The following MINDY4 variants were observed in gnomAD, a reference collection of about 807,000 sequenced individuals.
The protein encoded by MINDY4 is probable ubiquitin carboxyl-terminal hydrolase MINDY-4.
MINDY4 carries 68 observed loss-of-function variants against 87.0 expected under a neutral mutation model. The ratio of observed to expected loss-of-function variants is 0.78; its 90% CI spans 0.64 to 0.96. The LOEUF (loss-of-function observed/expected upper bound fraction) is 0.96, where lower values mean the gene tolerates loss of function less well. Ranked by LOEUF, MINDY4 falls within the 40% of genes least tolerant of loss-of-function variation. The probability of loss-of-function intolerance (pLI) is 0.00; values close to 1 mark genes in which losing one functional copy is unlikely to be tolerated. For synonymous variants in MINDY4, 379 were observed against 363.2 expected, an observed-to-expected ratio of 1.04 and a Z score of -0.50; for missense variants, 919 against 928.2, an observed-to-expected ratio of 0.99 and a Z score of 0.13.
chr7:30,778,302 A>T (rs573900224), intron 1 of MINDY4, 130 bp from the exon 2 acceptor site: 51 of 1,166,574 alleles, frequency 4.4e-5, no homozygotes, highest in Non-Finnish European at 5.9e-5. Flanking sequence ...ATTATTGCAA[A>T]GGTGATGTCA....
intron 7 of MINDY4, among the ~76,000 whole-genome samples, chr7:30,838,083 C>T (rs897678352): frequency 1.3e-5 from 2 of 152,132 alleles, no homozygotes; most frequent in African/African-American, 2.4e-5. Flanking sequence ...TCTTGGGGCT[C>T]ACTCAAGGCT....
At chr7:30,849,191 C>T (rs917321997) in intron 9 of MINDY4, among the ~76,000 whole-genome samples, 13 of 152,150 alleles carry the variant, frequency 8.5e-5, no homozygotes, top group Non-Finnish European at 1.6e-4. Flanking sequence ...TTTCTCCTGT[C>T]CTGGAAAAGA....
rs761212892 is a variant in MINDY4 at position 30,791,327 on chromosome 7, A to G, written c.826A>G (p.Ser276Gly). 6.2e-7 allele frequency: 1 copy of G among 1,614,152 alleles called. No homozygotes were observed. The highest frequency in any genetic ancestry group is 8.5e-7 in the Non-Finnish European group (1 of 1,180,018). ...CTCCAGGACCTCCCTGGGTCAGCTTAGTGAACTGACCGTAGAAAGGCAGAA... is the reference window on the plus strand; with the variant it reads ...CTCCAGGACCTCCCTGGGTCAGCTTGGTGAACTGACCGTAGAAAGGCAGAA... ...SPSRTSLGQLSELTVERQKTT... is the reference protein window; with the variant it reads ...SPSRTSLGQLGELTVERQKTT... Residue 276 changes from serine to glycine, a missense_variant, in exon 5 of 18, where the codon AGT (serine) becomes GGT (glycine). By Grantham distance (56) the Ser-to-Gly change is moderately conservative. Transcript: ENST00000265299.
rs1788868568 is a variant in MINDY4, at chr7:30,836,709, C to T, written c.1184C>T (p.Pro395Leu). 1 of 1,614,162 alleles carries T rather than the reference C, an allele frequency of 6.2e-7. No individual in the cohort carries two copies. Among genetic ancestry groups the T allele is most frequent in the African/African-American group, 1.3e-5 (1 of 75,044 alleles). The part of the protein sequence containing the change: ...IREEVILSPV[P>L]SVLKLQTASK... The stretch of plus-strand genomic sequence containing the variant: ...GAAGAGGTCATCCTGTCGCCAGTCC[C>T]ATCAGTGCTCAAGTTGCAGACAGCA... The change falls in exon 7 of 18, where the codon CCA (proline) becomes CTA (leucine). Residue 395 changes from proline (P) to leucine (L), a missense_variant. Coordinates refer to ENST00000265299, the MANE Select transcript of MINDY4 (RefSeq NM_032222.3).
At chr7:30,886,219 G>A (rs746356749) in intron 17 of MINDY4, among the ~76,000 whole-genome samples, 3 of 152,164 alleles carry the variant, frequency 2.0e-5, no homozygotes, top group Non-Finnish European at 4.4e-5. Context: ...AGGCCAGTCT[G>A]GTGGGCAGGT....
At chr7:30,773,351 C>T (rs1299443519) in intron 1 of MINDY4, among the ~76,000 whole-genome samples, 1 of 152,276 alleles carries the variant, frequency 6.6e-6, no homozygotes, top group East Asian at 1.9e-4. Flanking sequence ...GACCAGGAGG[C>T]CAAGAAACTT....
At chr7:30,823,627 A>G (rs1788406899) in intron 5 of MINDY4, among the ~76,000 whole-genome samples, 1 of 152,002 alleles carries the variant, frequency 6.6e-6, no homozygotes, top group Non-Finnish European at 1.5e-5. Flanking sequence ...CTCTTTTCTT[A>G]TGATTTCCAT....
intron 6 of MINDY4, among the ~76,000 whole-genome samples, chr7:30,829,312 CT>C (rs1487947811): frequency 2.6e-5 from 4 of 152,160 alleles, no homozygotes; most frequent in Admixed American, 1.3e-4. Flanking sequence ...CTGTAATTCC[CT>C]ACTCTCCAAA....
chr7:30,824,597 T>C (rs1408883617), intron 5 of MINDY4, among the ~76,000 whole-genome samples: 3 of 152,154 alleles, frequency 2.0e-5, no homozygotes, highest in Admixed American at 6.5e-5. Context: ...TTTTTTGCTA[T>C]TTATTTTTAT....
At chr7:30,789,931 G>A (rs1241224839) in intron 4 of MINDY4, among the ~76,000 whole-genome samples, 1 of 152,176 alleles carries the variant, frequency 6.6e-6, no homozygotes, top group Non-Finnish European at 1.5e-5. Flanking sequence ...CAAAAACTAA[G>A]CAAATCTTGA....
intron 6 of MINDY4, among the ~76,000 whole-genome samples, chr7:30,829,243 TATAGAGCAC>T (rs1413935635): frequency 6.6e-6 from 1 of 152,228 alleles, no homozygotes; most frequent in African/African-American, 2.4e-5. Context: ...CTAAGATCAA[TATAGAGCAC>T]ATTTCCTTCC....
At chr7:30,850,592 C>A (rs745563872) in intron 10 of MINDY4, 37 bp downstream of exon 10, 5 of 1,550,832 alleles carry the variant, frequency 3.2e-6, no homozygotes, top group African/African-American at 2.7e-5. Flanking sequence ...CGTGGCTCAT[C>A]GTCTGCTGGC....
At chr7:30,862,683 C>T (rs1006931630) in intron 13 of MINDY4, among the ~76,000 whole-genome samples, 12 of 152,186 alleles carry the variant, frequency 7.9e-5, no homozygotes, top group African/African-American at 2.4e-4. Flanking sequence ...TAGGTTTGTC[C>T]AGGGAAGCCC....
chr7:30,843,295 G>A (rs1490870414), intron 9 of MINDY4, among the ~76,000 whole-genome samples: 1 of 152,220 alleles, frequency 6.6e-6, no homozygotes, highest in Non-Finnish European at 1.5e-5. Flanking sequence ...GGAGTCACTG[G>A]GGGTGGTTAG....
chr7:30,772,729 T>A (rs1268071440), intron 1 of MINDY4, among the ~76,000 whole-genome samples: 1 of 152,210 alleles, frequency 6.6e-6, no homozygotes, highest in Non-Finnish European at 1.5e-5. Context: ...CTGCCCTGTC[T>A]TTATGGCTAA....
chr7:30,834,935 C>T (rs367992526), intron 6 of MINDY4, among the ~76,000 whole-genome samples: 70 of 152,312 alleles, frequency 4.6e-4, no homozygotes, highest in African/African-American at 1.5e-3. Context: ...TACTACTATC[C>T]GCATTTTTGT....
At chr7:30,777,054 G>A (rs1460983450) in intron 1 of MINDY4, among the ~76,000 whole-genome samples, 3 of 148,920 alleles carry the variant, frequency 2.0e-5, no homozygotes, top group Admixed American at 6.7e-5. Context: ...CTTTCATCCA[G>A]GATGGAGTGC....
chr7:30,775,721 C>T (rs146495565), intron 1 of MINDY4, among the ~76,000 whole-genome samples: 60 of 152,290 alleles, frequency 3.9e-4, no homozygotes, highest in African/African-American at 1.3e-3. Context: ...CTAGTCATCA[C>T]ATTAGCATAC....
At chr7:30,819,720 A>T (rs1788265310) in intron 5 of MINDY4, among the ~76,000 whole-genome samples, 1 of 151,916 alleles carries the variant, frequency 6.6e-6, no homozygotes, top group African/African-American at 2.4e-5. Flanking sequence ...TCCTTTTATT[A>T]TTCTCTAATA....
Sources: gnomAD v4.1 joint callset for allele counts (sites outside exome capture counted in the v4.1 genomes callset) on GRCh38, gnomAD v4.1.1 for gene constraint, MANE v1.5 for transcripts, NCBI Gene and HGNC (gene_info 2026-07-23, HGNC 2026-07-21) for gene names.